The following VPS13C variants were observed in gnomAD, a reference collection of about 807,000 sequenced individuals.
VPS13C encodes vacuolar protein sorting 13 homolog C, also known as intermembrane lipid transfer protein VPS13C.
VPS13C carries 358 observed loss-of-function variants against 456.8 expected under a neutral mutation model. The observed-to-expected ratio is 0.78, with a 90% CI of 0.72 to 0.86. The LOEUF is 0.86. VPS13C is among the 40% of genes least tolerant of loss of function. The pLI is 0.00. For missense variants in VPS13C, 4,818 were observed against 4,385.4 expected, an observed-to-expected ratio of 1.10 and a Z score of -2.79; for synonymous variants, 1,578 against 1,486.7, an observed-to-expected ratio of 1.06 and a Z score of -1.41.
At chr15:61,884,297 T>C (rs1297604581) in intron 67 of VPS13C, 28 bp from the exon 68 acceptor site, 3 of 1,603,128 alleles carry the variant, frequency 1.9e-6, no homozygotes, top group African/African-American at 2.7e-5. Context: ...AAAAATTAAA[T>C]TAGCAATATG....
At chr15:62,012,657 C>T (rs1052321308) in intron 11 of VPS13C, among the ~76,000 whole-genome samples, 17 of 151,728 alleles carry the variant, frequency 1.1e-4, no homozygotes, top group African/African-American at 3.9e-4. Context: ...TCACAAATGT[C>T]TAAAACATGT....
chr15:62,020,424 C>T (rs1031368994), intron 9 of VPS13C, 55 bp downstream of exon 9: 3 of 1,477,822 alleles, frequency 2.0e-6, no homozygotes, highest in African/African-American at 2.8e-5. Flanking sequence ...TACCCTGTGA[C>T]TTCAGAATAA....
intron 1 of VPS13C, among the ~76,000 whole-genome samples, chr15:62,052,186 T>C (rs188882692): frequency 1.3e-5 from 2 of 152,320 alleles, no homozygotes; most frequent in Admixed American, 1.3e-4. Context: ...ATATAAAGAA[T>C]AGTGAAATAA....
At chr15:62,009,694 A>G (rs1342805083) in intron 13 of VPS13C, among the ~76,000 whole-genome samples, 1 of 152,236 alleles carries the variant, frequency 6.6e-6, no homozygotes, top group Non-Finnish European at 1.5e-5. Flanking sequence ...TGTACAAAAA[A>G]GCTAAATTAG....
In VPS13C at chr15:61,969,442, T is replaced by C. The variant is rs1160245745; in HGVS notation, c.2768A>G (p.Glu923Gly). ...LKFEIKEVIL[E>G]FTKQQKEEDT... The stretch of plus-strand genomic sequence containing the variant: ...TTCTTCTTTCTGCTGTTTAGTAAAT[T>C]CCAAAATCACCTAAAAGAATTAGAG... The change falls in exon 28 of 85, where the codon GAA becomes GGA. Residue 923 changes from glutamate to glycine, a missense_variant. This residue lies in a region of VPS13C where 4,552 missense variants were observed against 4,130.6 expected (regional missense o/e 1.10). Coordinates refer to ENST00000644861, the MANE Select transcript of VPS13C (RefSeq NM_020821.3). The C allele has an allele frequency of 6.5e-7, 1 of 1,533,980 alleles. No homozygotes were observed. The highest frequency in any genetic ancestry group is 1.3e-5 in the South Asian group (1 of 78,754).
chr15:61,954,523 T>C lies in VPS13C; in HGVS notation c.4197A>G (p.Ile1399Met). The change falls in exon 38 of 85, where the codon ATA becomes ATG. Residue 1399 changes from isoleucine to methionine, a missense_variant. By Grantham distance (10) the Ile-to-Met change is conservative. Transcript: ENST00000644861. ...TTTTTGAATCATGTACATCTTGTGATATAGAGATTTCAAGGGGCTCTTTAA... is the reference window on the plus strand; with the variant it reads ...TTTTTGAATCATGTACATCTTGTGACATAGAGATTTCAAGGGGCTCTTTAA... ...GEIKEPLEISISQDVHDSKNT... is the reference protein window; with the variant it reads ...GEIKEPLEISMSQDVHDSKNT... The C allele has an allele frequency of 1.9e-6, 3 of 1,598,294 alleles. No homozygotes were observed. The highest frequency in any genetic ancestry group is 8.5e-7 in the Non-Finnish European group (1 of 1,174,426).
At chr15:62,020,584 G>T in intron 8 of VPS13C, 46 bp from the exon 9 acceptor site, 1 of 1,574,202 alleles carries the variant, frequency 6.4e-7, no homozygotes, top group Non-Finnish European at 8.7e-7. Context: ...GATGGTGAAG[G>T]CGAATCCATG....
chr15:61,879,700 A>C (rs1270215530), intron 73 of VPS13C, among the ~76,000 whole-genome samples: 1 of 152,110 alleles, frequency 6.6e-6, no homozygotes, highest in African/African-American at 2.4e-5. Context: ...TTTCATAATA[A>C]GCATTCAGTA....
At chr15:61,988,742 G>T (rs2046134795) in intron 18 of VPS13C, among the ~76,000 whole-genome samples, 1 of 152,124 alleles carries the variant, frequency 6.6e-6, no homozygotes, top group Admixed American at 6.5e-5. Context: ...CAGACAAATG[G>T]CCAATGGAAT....
At position 62,041,311 on chromosome 15, in the gene VPS13C, C is replaced by G. The variant is rs753689698; in HGVS notation, c.187+13G>C. ...GGACCAAGAATAATTCAAATGAAGA[C>G]TAAAGTACTTACCAATTTGGCCAGC... On this transcript the variant is annotated intron_variant, in intron 3 of 84. Transcript: ENST00000644861. 1 of 1,602,220 alleles carries G rather than the reference C, an allele frequency of 6.2e-7. No individual in the cohort carries two copies. The highest frequency in any genetic ancestry group is 8.5e-7 in the Non-Finnish European group (1 of 1,176,454).
At chr15:61,864,413 GA>G (rs1248704637) in intron 81 of VPS13C, 13 of 881,246 alleles carry the variant, frequency 1.5e-5, no homozygotes, top group African/African-American at 1.8e-5. Context: ...GAATGCTAAT[GA>G]AATACTATTA....
chr15:61,972,476 G>T, intron 27 of VPS13C, 149 bp downstream of exon 27: 1 of 642,928 alleles, frequency 1.6e-6, no homozygotes, highest in East Asian at 2.7e-5. Context: ...AAGAGTGTGT[G>T]TGAGAGTGTG....
At chr15:61,973,251 A>AG (rs1016833713) in intron 26 of VPS13C, among the ~76,000 whole-genome samples, 1 of 152,104 alleles carries the variant, frequency 6.6e-6, no homozygotes, top group Non-Finnish European at 1.5e-5. Flanking sequence ...ACAAAAAAAA[A>AG]CCCTTCATTT....
intron 1 of VPS13C, 94 bp downstream of exon 1, chr15:62,060,181 C>G (rs1410878808): frequency 1.6e-6 from 1 of 618,074 alleles, no homozygotes; most frequent in Non-Finnish European, 2.7e-6. Context: ...TCTCAGGCGG[C>G]GCAGGGAGCA....
intron 67 of VPS13C, among the ~76,000 whole-genome samples, chr15:61,884,801 C>T (rs1896149762): frequency 6.6e-6 from 1 of 151,958 alleles, no homozygotes. Context: ...TTTAAAAATG[C>T]CATTTCATAC....
chr15:61,955,972 G>A (rs2044981521), intron 37 of VPS13C, among the ~76,000 whole-genome samples: 1 of 152,000 alleles, frequency 6.6e-6, no homozygotes, highest in South Asian at 2.1e-4. Flanking sequence ...TCCTATTACA[G>A]GGTACATACC....
chr15:62,019,164 C>T lies in VPS13C; in HGVS notation c.684+1315G>A, dbSNP rs143815700. Among the ~76,000 whole-genome samples the T allele has an allele frequency of 1.1e-3, 165 of 151,970 alleles. 1 individual carries two copies. The highest frequency in any genetic ancestry group is 2.9e-4 in the Non-Finnish European group (20 of 67,922). On this transcript the variant is annotated intron_variant, in intron 9 of 84. Transcript: ENST00000644861. ...CTTTACTATTTTTTATTGCGTCTAT[C>T]TGATTCTTCTCTCTTTTCTCCTTTA...
chr15:61,890,139 G>A, intron 67 of VPS13C, 26 bp downstream of exon 67: 1 of 1,607,440 alleles, frequency 6.2e-7, no homozygotes, highest in Non-Finnish European at 8.5e-7. Flanking sequence ...AAAGGTTTAG[G>A]ATGTCTTATT....
chr15:61,874,419 T>C (rs568166736), intron 77 of VPS13C, among the ~76,000 whole-genome samples: 2 of 152,154 alleles, frequency 1.3e-5, no homozygotes, highest in East Asian at 3.9e-4. Context: ...ATTGTATACA[T>C]TTATCAAAAT....
Sources: allele counts gnomAD v4.1 joint callset (sites outside exome capture counted in the v4.1 genomes callset), GRCh38; gene constraint gnomAD v4.1.1; regional missense constraint gnomAD v4.1.1; transcripts MANE v1.5; gene names NCBI Gene and HGNC (gene_info 2026-07-23, HGNC 2026-07-21).